The following WDFY2 variants were observed in gnomAD, a reference collection of about 807,000 sequenced individuals.
The protein encoded by WDFY2 is WD repeat and FYVE domain-containing protein 2.
WDFY2 carries 36 observed loss-of-function variants against 56.4 expected under a neutral mutation model. That is an observed-to-expected ratio of 0.64 (90% confidence interval 0.49 to 0.84). WDFY2 has a LOEUF of 0.84. Ranked by LOEUF, WDFY2 falls within the 40% of genes least tolerant of loss-of-function variation. WDFY2 has a pLI of 0.00. For synonymous variants in WDFY2, 176 were observed against 183.7 expected (o/e 0.96, Z 0.34); for missense variants, 444 against 512.2 (o/e 0.87, Z 1.29).
In WDFY2 at chr13:51,584,542, C is replaced by G. The variant is rs947216458; in HGVS notation, c.-146C>G. 14 of 1,148,618 alleles carry G rather than the reference C, an allele frequency of 1.2e-5. No individual in the cohort carries two copies. The African/African-American group carries it at 2.2e-4, about 18-fold the overall frequency. 71.2% of individuals were successfully genotyped at this position (1,148,618 alleles called of 1,614,324 possible). ...AGCGCGGAGTCGTTCCCGAGAGAGG[C>G]GGCCAGGCTATGCTCGCCGGTTTCC... On this transcript the variant is annotated 5_prime_UTR_variant, in exon 1 of 12. Transcript: ENST00000298125.
chr13:51,650,819 T>C (rs1316803518), intron 1 of WDFY2, among the ~76,000 whole-genome samples: 6 of 152,216 alleles, frequency 3.9e-5, no homozygotes, highest in African/African-American at 1.4e-4. Flanking sequence ...GGTTTGCCAG[T>C]ATTTTATTGA....
At chr13:51,695,144 G>A (rs907971170) in intron 3 of WDFY2, among the ~76,000 whole-genome samples, 2 of 152,266 alleles carry the variant, frequency 1.3e-5, no homozygotes, top group African/African-American at 4.8e-5. Flanking sequence ...CCTGTAGCTT[G>A]GAGTAGTTTG....
intron 1 of WDFY2, among the ~76,000 whole-genome samples, chr13:51,653,233 C>T (rs534481911): frequency 7.1e-4 from 108 of 152,284 alleles, no homozygotes; most frequent in Non-Finnish European, 1.2e-3. Context: ...ACGTAGTTCT[C>T]GTGCCGTGGT....
In WDFY2 at chr13:51,667,879, C is replaced by CTTTTT. The variant is rs66771214; in HGVS notation, c.205+7242_205+7246dup. Among the ~76,000 whole-genome samples, 146 of 50,054 alleles carry CTTTTT rather than the reference C, an allele frequency of 2.9e-3. 15 individuals are homozygous for CTTTTT. The highest frequency in any genetic ancestry group is 6.3e-3 in the African/African-American group (63 of 10,022). 32.8% of individuals were successfully genotyped at this position (50,054 alleles called of 152,430 possible). A position where few individuals can be genotyped will look rare whatever the true frequency, so the allele number is the denominator to read the frequency against. On this transcript the variant is annotated intron_variant, in intron 2 of 11. Transcript: ENST00000298125. The stretch of plus-strand genomic sequence containing the variant: ...GAAGAAAAAGGTACCTGAGGAACTT[C>CTTTTT]TTTTTTTTTTTTTTTTTTTTTTTTT...
intron 2 of WDFY2, among the ~76,000 whole-genome samples, chr13:51,666,850 T>C (rs1242577209): frequency 2.0e-5 from 3 of 152,244 alleles, no homozygotes; most frequent in Non-Finnish European, 4.4e-5. Context: ...ATAATCTTAG[T>C]TAAGATATCT....
At chr13:51,709,698 A>G (rs550025824) in intron 4 of WDFY2, among the ~76,000 whole-genome samples, 1 of 152,214 alleles carries the variant, frequency 6.6e-6, no homozygotes, top group Non-Finnish European at 1.5e-5. Context: ...AAATGGATAC[A>G]TTCCTGGACA....
At chr13:51,741,438 G>A (rs1252070663) in intron 7 of WDFY2, among the ~76,000 whole-genome samples, 1 of 152,212 alleles carries the variant, frequency 6.6e-6, no homozygotes, top group East Asian at 1.9e-4. Context: ...CTCAGCATCA[G>A]TCAGTGTCAG....
chr13:51,725,110 A>G (rs993196174), intron 5 of WDFY2, among the ~76,000 whole-genome samples: 2 of 152,162 alleles, frequency 1.3e-5, no homozygotes, highest in African/African-American at 4.8e-5. Flanking sequence ...ACATTATGGG[A>G]TTTTTACTTT....
chr13:51,591,692 A>G (rs1168542183), intron 1 of WDFY2: 1 of 152,156 alleles, frequency 6.6e-6, no homozygotes, highest in Non-Finnish European at 1.5e-5. Context: ...TAATTTCATG[A>G]CCCACTAAAG....
At chr13:51,589,494 A>G (rs1198980155) in intron 1 of WDFY2, 3 of 152,118 alleles carry the variant, frequency 2.0e-5, no homozygotes, top group African/African-American at 7.2e-5. Flanking sequence ...ATTTACCATT[A>G]ATTCTTTTTA....
At chr13:51,758,428 G>T (rs1953468809) in intron 11 of WDFY2, 128 bp downstream of exon 11, 1 of 537,792 alleles carries the variant, frequency 1.9e-6, no homozygotes, top group Admixed American at 2.6e-5. Context: ...GCATGTGTCT[G>T]TAGTCCCAGC....
At chr13:51,713,447 A>G (rs983784745) in intron 4 of WDFY2, among the ~76,000 whole-genome samples, 8 of 152,250 alleles carry the variant, frequency 5.3e-5, no homozygotes, top group Non-Finnish European at 8.8e-5. Flanking sequence ...CTAAATGCCC[A>G]TCAACACATG....
intron 3 of WDFY2, among the ~76,000 whole-genome samples, chr13:51,689,445 T>C (rs1019265831): frequency 1.3e-5 from 2 of 152,194 alleles, no homozygotes; most frequent in Admixed American, 6.6e-5. Flanking sequence ...GTAGGTGATA[T>C]ATGGAATCTG....
chr13:51,672,803 C>T (rs1305054411), intron 2 of WDFY2, among the ~76,000 whole-genome samples: 1 of 152,158 alleles, frequency 6.6e-6, no homozygotes, highest in Non-Finnish European at 1.5e-5. Flanking sequence ...TATTTTTCTG[C>T]AGCTACTGTA....
chr13:51,630,397 A>C (rs541599298), intron 1 of WDFY2, among the ~76,000 whole-genome samples: 1 of 151,502 alleles, frequency 6.6e-6, no homozygotes, highest in African/African-American at 2.4e-5. Flanking sequence ...AGCTCATCAT[A>C]AGACTTTAAA....
intron 1 of WDFY2, among the ~76,000 whole-genome samples, chr13:51,658,603 T>C (rs1311398449): frequency 6.6e-6 from 1 of 152,224 alleles, no homozygotes; most frequent in Non-Finnish European, 1.5e-5. Flanking sequence ...TTCTGTGATA[T>C]TACTCTGGTA....
At chr13:51,686,235 C>A (rs765981600) in intron 3 of WDFY2, among the ~76,000 whole-genome samples, 3 of 152,124 alleles carry the variant, frequency 2.0e-5, no homozygotes, top group Non-Finnish European at 2.9e-5. Flanking sequence ...TGGTTAACTT[C>A]ACATACTCCT....
chr13:51,620,690 C>T (rs115731725), intron 1 of WDFY2, among the ~76,000 whole-genome samples: 161 of 152,248 alleles, frequency 1.1e-3, no homozygotes, highest in African/African-American at 3.5e-3. Context: ...CCATTGTTCT[C>T]TCTGACTTTG....
chr13:51,691,255 A>G (rs1017689409), intron 3 of WDFY2, among the ~76,000 whole-genome samples: 2 of 151,856 alleles, frequency 1.3e-5, no homozygotes, highest in African/African-American at 4.8e-5. Flanking sequence ...GGTGTTTTAG[A>G]CATGAAGTCC....
Sources: allele counts gnomAD v4.1 joint callset (sites outside exome capture counted in the v4.1 genomes callset), GRCh38; gene constraint gnomAD v4.1.1; transcripts MANE v1.5; gene names NCBI Gene and HGNC (gene_info 2026-07-23, HGNC 2026-07-21).